Variants in LRFN5 observed in about 807,000 individuals in gnomAD.
LRFN5 encodes leucine-rich repeat and fibronectin type-III domain-containing protein 5.
Under a neutral mutation model 45.6 loss-of-function variants are expected in LRFN5, and 24 were observed. The ratio of observed to expected loss-of-function variants is 0.53; its 90% CI spans 0.38 to 0.74. The LOEUF (loss-of-function observed/expected upper bound fraction) is 0.74, where lower values mean the gene tolerates loss of function less well. Ranked by LOEUF, LRFN5 falls within the 30% of genes least tolerant of loss-of-function variation. The pLI is 0.00. For missense variants in LRFN5, 776 were observed against 861.5 expected, an observed-to-expected ratio of 0.90 and a Z score of 1.24; for synonymous variants, 340 against 313.8, an observed-to-expected ratio of 1.08 and a Z score of -0.88.
chr14:41,860,516 C>A (rs922837106), intron 2 of LRFN5, among the ~76,000 whole-genome samples: 2 of 152,126 alleles, frequency 1.3e-5, no homozygotes, highest in African/African-American at 4.8e-5. Flanking sequence ...TAACACCTTA[C>A]CATGGACATA....
rs776196592 is a variant in LRFN5, at chr14:41,886,636, T to A, written c.11T>A (p.Ile4Asn). The A allele has an allele frequency of 6.3e-6, 10 of 1,577,084 alleles. No homozygotes were observed. The Admixed American group carries it at 7.9e-5, about 13-fold the overall frequency. Residue 4 changes from isoleucine (I) to asparagine (N), a missense_variant, in exon 3 of 6, where the codon ATT becomes AAT. Physicochemically the swap from Ile to Asn is moderately radical, Grantham distance 149. Around this residue, in one of 2 missense-constraint regions of LRFN5, gnomAD observed 311 missense variants for 405.1 expected, o/e 0.77. Coordinates refer to ENST00000298119, the MANE Select transcript of LRFN5 (RefSeq NM_152447.5). ...TAAACCTGATCTACAATGGAAAAAA[T>A]TCTTTTTTATCTGTTTCTCATTGGC... MEK[I>N]LFYLFLIGIA...
chr14:41,693,516 G>T (rs1408545472), intron 1 of LRFN5, among the ~76,000 whole-genome samples: 1 of 151,460 alleles, frequency 6.6e-6, no homozygotes, highest in Non-Finnish European at 1.5e-5. Flanking sequence ...TGAATGTGGT[G>T]GTTTTGTATA....
chr14:41,818,782 G>C (rs1307373338), intron 2 of LRFN5, among the ~76,000 whole-genome samples: 1 of 152,054 alleles, frequency 6.6e-6, no homozygotes, highest in African/African-American at 2.4e-5. Flanking sequence ...CTGCAGTTTT[G>C]TTACATGGAT....
intron 1 of LRFN5, among the ~76,000 whole-genome samples, chr14:41,610,676 A>AAAAAAAAAAC (rs1223176219): frequency 2.0e-5 from 3 of 148,726 alleles, no homozygotes; most frequent in African/African-American, 7.3e-5. Context: ...AAAAAAAAAA[A>AAAAAAAAAAC]AAAAAAAGTG....
chr14:41,678,756 T>A (rs769218604), intron 1 of LRFN5, among the ~76,000 whole-genome samples: 10 of 152,118 alleles, frequency 6.6e-5, no homozygotes, highest in African/African-American at 1.9e-4. Context: ...TGAGCTACTA[T>A]CCACACAAGA....
chr14:41,665,039 A>G (rs879508189), intron 1 of LRFN5, among the ~76,000 whole-genome samples: 2 of 152,106 alleles, frequency 1.3e-5, no homozygotes, highest in African/African-American at 4.8e-5. Flanking sequence ...TCTTCAAAAT[A>G]TATATTTTGC....
chr14:41,759,890 C>T (rs1359056849), intron 1 of LRFN5, among the ~76,000 whole-genome samples: 2 of 152,280 alleles, frequency 1.3e-5, no homozygotes, highest in Middle Eastern at 3.4e-3. Context: ...ACTGTTCACA[C>T]GTAAGTCCGC....
chr14:41,877,574 A>G (rs1890228977), intron 2 of LRFN5, among the ~76,000 whole-genome samples: 1 of 152,068 alleles, frequency 6.6e-6, no homozygotes, highest in Non-Finnish European at 1.5e-5. Flanking sequence ...ATCTGTAGCT[A>G]ATTTATGTAA....
At chr14:41,810,589 A>G (rs1404431099) in intron 2 of LRFN5, among the ~76,000 whole-genome samples, 1 of 152,088 alleles carries the variant, frequency 6.6e-6, no homozygotes, top group African/African-American at 2.4e-5. Flanking sequence ...GGCCATTAAA[A>G]AGAAAGATAC....
intron 2 of LRFN5, among the ~76,000 whole-genome samples, chr14:41,839,474 G>GT (rs1888784210): frequency 6.6e-6 from 1 of 152,030 alleles, no homozygotes; most frequent in African/African-American, 2.4e-5. Flanking sequence ...CAATATCTCT[G>GT]TTTTTACATT....
At chr14:41,768,768 T>C (rs1885977433) in intron 2 of LRFN5, among the ~76,000 whole-genome samples, 1 of 152,178 alleles carries the variant, frequency 6.6e-6, no homozygotes, top group Non-Finnish European at 1.5e-5. Flanking sequence ...AAGCATTTAC[T>C]TTACAAAAGC....
intron 2 of LRFN5, among the ~76,000 whole-genome samples, chr14:41,853,828 C>CT: frequency 6.6e-6 from 1 of 152,044 alleles, no homozygotes; most frequent in South Asian, 2.1e-4. Flanking sequence ...GTTTAGATAC[C>CT]AGCTAGAGGA....
chr14:41,676,764 T>C (rs1011714571), intron 1 of LRFN5, among the ~76,000 whole-genome samples: 16 of 152,174 alleles, frequency 1.1e-4, no homozygotes, highest in African/African-American at 3.6e-4. Flanking sequence ...CCACTGATCA[T>C]GCATTATTGT....
chr14:41,833,254 G>A (rs1350201022), intron 2 of LRFN5, among the ~76,000 whole-genome samples: 1 of 152,118 alleles, frequency 6.6e-6, no homozygotes, highest in African/African-American at 2.4e-5. Context: ...AATGATTAGC[G>A]ATCCGCAGGA....
rs1888709095 is a variant in LRFN5, at chr14:41,837,638, G to A, written c.-20-48968G>A. On this transcript the variant is annotated intron_variant, in intron 2 of 5. Coordinates refer to ENST00000298119, the MANE Select transcript of LRFN5 (RefSeq NM_152447.5). ...TGCTGTATAAAGATGGAGAAGGTAG[G>A]CCAGCAAGGGGAAAAGGGATCATTT... is the stretch of plus-strand genomic sequence containing the variant. 2.0e-5 allele frequency among the ~76,000 whole-genome samples: 3 copies of A among 152,214 alleles called. No homozygotes were observed. In the South Asian group the frequency reaches 6.2e-4, roughly 32 times the overall value.
chr14:41,765,373 A>G (rs1044067612), intron 1 of LRFN5, among the ~76,000 whole-genome samples: 4 of 147,392 alleles, frequency 2.7e-5, no homozygotes, highest in Non-Finnish European at 6.0e-5. Context: ...AAAAAAAAAA[A>G]CAGGGCACAA....
chr14:41,635,078 T>A (rs1412680428), intron 1 of LRFN5, among the ~76,000 whole-genome samples: 1 of 152,098 alleles, frequency 6.6e-6, no homozygotes, highest in East Asian at 1.9e-4. Flanking sequence ...TAAGTTGCTC[T>A]CAAATAACAA....
At chr14:41,673,294 G>A (rs920330373) in intron 1 of LRFN5, among the ~76,000 whole-genome samples, 2 of 151,632 alleles carry the variant, frequency 1.3e-5, no homozygotes, top group Admixed American at 6.6e-5. Flanking sequence ...AGGGGCAGCC[G>A]GGCAGAGGCG....
chr14:41,629,595 G>A (rs1281346403), intron 1 of LRFN5, among the ~76,000 whole-genome samples: 1 of 152,164 alleles, frequency 6.6e-6, no homozygotes, highest in Admixed American at 6.6e-5. Context: ...TCTAAACGCA[G>A]TAAGCTATTT....
Sources: allele counts gnomAD v4.1 joint callset (sites outside exome capture counted in the v4.1 genomes callset), GRCh38; gene constraint gnomAD v4.1.1; regional missense constraint gnomAD v4.1.1; transcripts MANE v1.5; gene names NCBI Gene and HGNC (gene_info 2026-07-23, HGNC 2026-07-21).